The following RIC8B variants were observed in gnomAD, a reference collection of about 807,000 sequenced individuals.
RIC8B encodes the protein RIC8 guanine nucleotide exchange factor B, also known as chaperone Ric-8B.
In RIC8B, 16 loss-of-function variants were observed where a neutral mutation model predicts 57.5. That is an observed-to-expected ratio of 0.28 (90% CI 0.19 to 0.42). RIC8B has a LOEUF of 0.42. Ranked by LOEUF, RIC8B falls within the 10% of genes least tolerant of loss-of-function variation. The pLI, the probability that RIC8B is intolerant of heterozygous loss-of-function variation, is 1.00. For missense variants in RIC8B, 481 were observed against 677.0 expected, an observed-to-expected ratio of 0.71 and a Z score of 3.21; for synonymous variants, 216 against 250.8, an observed-to-expected ratio of 0.86 and a Z score of 1.31.
chr12:106,860,164 T>C (rs1949869622), intron 7 of RIC8B, 104 bp from the exon 8 acceptor site: 1 of 976,192 alleles, frequency 1.0e-6, no homozygotes, highest in African/African-American at 1.7e-5. Context: ...TTTAAAGGTT[T>C]ACTGCCATAG....
Position 106,836,497 on chromosome 12 carries a change from G to A in RIC8B, c.837-6092G>A, listed in dbSNP as rs1386066406. On this transcript the variant is annotated intron_variant, in intron 4 of 9. Coordinates refer to ENST00000392837, the MANE Select transcript of RIC8B (RefSeq NM_001330145.2). ...CCTAAAAAGCTTCTTCTCTTGCAGT[G>A]TTTCCCATTTTCAGTTTATGGCACC... Among the ~76,000 whole-genome samples the A allele has an allele frequency of 3.3e-5, 5 of 152,126 alleles. No individual in the cohort carries two copies. The East Asian group carries it at 9.7e-4, about 29-fold the overall frequency.
chr12:106,857,098 T>C (rs1365097199), intron 7 of RIC8B, among the ~76,000 whole-genome samples: 1 of 152,120 alleles, frequency 6.6e-6, no homozygotes, highest in Non-Finnish European at 1.5e-5. Flanking sequence ...AGGCCCCTGT[T>C]TTGGAATTTG....
chr12:106,882,160 C>G (rs1950970232), intron 9 of RIC8B, among the ~76,000 whole-genome samples: 1 of 152,174 alleles, frequency 6.6e-6, no homozygotes, highest in East Asian at 1.9e-4. Context: ...ATGGGAAAAC[C>G]TTCTGTAAGC....
chr12:106,865,895 CT>C (rs2136549459), intron 8 of RIC8B, among the ~76,000 whole-genome samples: 1 of 152,300 alleles, frequency 6.6e-6, no homozygotes, highest in South Asian at 2.1e-4. Context: ...TGAGGCCTTT[CT>C]GTTGACTGCT....
chr12:106,812,129 G>A (rs995068841), intron 2 of RIC8B, among the ~76,000 whole-genome samples: 7 of 152,098 alleles, frequency 4.6e-5, no homozygotes, highest in African/African-American at 1.7e-4. Context: ...AAGAGATATG[G>A]CAAAAAGCTG....
chr12:106,884,256 T>C (rs1382555411), intron 9 of RIC8B, among the ~76,000 whole-genome samples: 2 of 152,226 alleles, frequency 1.3e-5, no homozygotes, highest in Non-Finnish European at 2.9e-5. Context: ...TTGTTTTCCG[T>C]GCTCCTCAAA....
chr12:106,801,205 C>T (rs1285292173), intron 2 of RIC8B, among the ~76,000 whole-genome samples: 1 of 152,072 alleles, frequency 6.6e-6, no homozygotes, highest in African/African-American at 2.4e-5. Context: ...CCCATTTTTG[C>T]CCTCAAAATG....
chr12:106,778,653 A>G (rs2043601787), intron 1 of RIC8B, among the ~76,000 whole-genome samples: 3 of 152,220 alleles, frequency 2.0e-5, no homozygotes. Flanking sequence ...TCACATAGCT[A>G]AGAAATGGCA....
At position 106,810,036 on chromosome 12, in the gene RIC8B, TATTA is replaced by T. The variant is rs2045263829; in HGVS notation, c.133-4659_133-4656del. The stretch of plus-strand genomic sequence containing the variant: ...GAAGAAATAAAACATATTTATTATT[TATTA>T]TTTATTATTTATTTCTTAGGAAAAA... On this transcript the variant is annotated intron_variant, in intron 2 of 9. Transcript: ENST00000392837. Among the ~76,000 whole-genome samples the T allele has an allele frequency of 2.6e-5, 4 of 151,334 alleles. No individual in the cohort carries two copies. The South Asian group carries it at 8.3e-4, about 31-fold the overall frequency.
chr12:106,800,570 T>C (rs2044688224), intron 2 of RIC8B, among the ~76,000 whole-genome samples: 1 of 152,158 alleles, frequency 6.6e-6, no homozygotes, highest in Non-Finnish European at 1.5e-5. Context: ...CTCCATATAT[T>C]AATATTATCA....
rs1313185200 is a variant in RIC8B at position 106,873,921 on chromosome 12, T to TA, written c.1571+2981dup. Among the ~76,000 whole-genome samples, 3 of 152,344 alleles carry TA rather than the reference T, an allele frequency of 2.0e-5. No homozygotes were observed. The South Asian group carries it at 6.2e-4, about 32-fold the overall frequency. ...GTGGAGAGAAATTTAATCTTGTTAA[T>TA]AAGTCTTGGATAGTCACATACTACT... On this transcript the variant is annotated intron_variant, in intron 9 of 9. Transcript: ENST00000392837.
intron 1 of RIC8B, among the ~76,000 whole-genome samples, chr12:106,775,878 C>G (rs2043452805): frequency 6.6e-6 from 1 of 152,200 alleles, no homozygotes; most frequent in Admixed American, 6.5e-5. Context: ...TCTTTTGCCC[C>G]CGTACATCGT....
chr12:106,870,764 A>G (rs1950367832), intron 8 of RIC8B, 59 bp from the exon 9 acceptor site: 6 of 1,340,442 alleles, frequency 4.5e-6, no homozygotes, highest in Non-Finnish European at 5.9e-6. Flanking sequence ...TTGGACCAGA[A>G]AAGTATAGAA....
At chr12:106,805,054 A>G (rs953331445) in intron 2 of RIC8B, among the ~76,000 whole-genome samples, 2 of 152,186 alleles carry the variant, frequency 1.3e-5, no homozygotes, top group East Asian at 3.8e-4. Context: ...GTTGAATGTG[A>G]GTTTTAGAAA....
chr12:106,836,602 G>A (rs2046610138), intron 4 of RIC8B, among the ~76,000 whole-genome samples: 2 of 152,126 alleles, frequency 1.3e-5, no homozygotes, highest in Non-Finnish European at 2.9e-5. Context: ...CCTTCATTAT[G>A]TATCGAATGA....
chr12:106,806,881 A>T (rs957181529), intron 2 of RIC8B, among the ~76,000 whole-genome samples: 1 of 152,134 alleles, frequency 6.6e-6, no homozygotes, highest in Non-Finnish European at 1.5e-5. Context: ...AGCATAGATA[A>T]CCCTGATGGC....
chr12:106,853,929 T>G (rs903079789), intron 7 of RIC8B, among the ~76,000 whole-genome samples: 5 of 152,136 alleles, frequency 3.3e-5, no homozygotes, highest in Non-Finnish European at 7.4e-5. Flanking sequence ...ACTTTTTTAT[T>G]TAAGGGTCAC....
At chr12:106,849,405 G>C (rs1196993216) in intron 6 of RIC8B, among the ~76,000 whole-genome samples, 1 of 149,692 alleles carries the variant, frequency 6.7e-6, no homozygotes, top group Non-Finnish European at 1.5e-5. Context: ...CTCCTGCCTT[G>C]GTCTTCCAAA....
chr12:106,854,564 G>A (rs1410270949), intron 7 of RIC8B, among the ~76,000 whole-genome samples: 3 of 152,062 alleles, frequency 2.0e-5, no homozygotes, highest in African/African-American at 7.2e-5. Context: ...AGGCCGAGGC[G>A]GGCAGATCAT....
Sources: allele counts gnomAD v4.1 joint callset (sites outside exome capture counted in the v4.1 genomes callset), GRCh38; gene constraint gnomAD v4.1.1; transcripts MANE v1.5; gene names NCBI Gene and HGNC (gene_info 2026-07-23, HGNC 2026-07-21).